Variants in RBMX observed in about 807,000 individuals in gnomAD.
RBMX encodes RNA binding motif protein X-linked.
In RBMX, 1 loss-of-function variant was observed where a neutral mutation model predicts 29.3. The ratio of observed to expected loss-of-function variants is 0.03; its 90% CI spans 0.01 to 0.16. The LOEUF (loss-of-function observed/expected upper bound fraction) is 0.16. Among genes scored for constraint, RBMX ranks in the 10% least tolerant of loss-of-function variants. The pLI is 1.00. For synonymous variants in RBMX, 102 were observed against 102.3 expected, an observed-to-expected ratio of 1.00 and a Z score of 0.02; for missense variants, 121 against 333.2, an observed-to-expected ratio of 0.36 and a Z score of 4.96.
At chrX:136,872,264 T>C, downstream of RBMX, 1 of 1,149,771 alleles carries the variant, frequency 8.7e-7, no homozygotes. Context: ...CTTTCAACAC[T>C]TACCTTAGCA....
Position 136,875,573 on chromosome X carries a change from C to T in RBMX, c.554G>A (p.Arg185His), listed in dbSNP as rs2077718670. 2.5e-6 allele frequency: 3 copies of T among 1,206,715 alleles called. No individual in the cohort carries two copies. The highest frequency in any genetic ancestry group is 3.0e-5 in the East Asian group (1 of 33,770). ...TGGACCTCCATAACTATCTCTTCCA[C>T]GTGATACAGGAGCTTAAGGAAAAAT... ...SGMGGRAPVSRGRDSYGGPPR... is the reference protein window; with the variant it reads ...SGMGGRAPVSHGRDSYGGPPR... Residue 185 changes from arginine to histidine, a missense_variant, in exon 6 of 9, where the codon CGT (arginine) becomes CAT (histidine). Transcript: ENST00000320676.
chrX:136,872,302 GAATC>G, downstream of RBMX: 2 of 1,165,777 alleles, frequency 1.7e-6, no homozygotes, highest in Non-Finnish European at 2.3e-6. Context: ...TATCTACTGT[GAATC>G]AATCAGCACT....
In RBMX at chrX:136,875,206, A is replaced by C. The variant is rs2077714146; in HGVS notation, c.783-38T>G. The C allele has an allele frequency of 2.5e-6, 3 of 1,211,254 alleles. No homozygotes were observed. In the East Asian group the frequency reaches 8.9e-5, roughly 36 times the overall value. ...GAAACCTTTAAGTCCCAGAGAATCA[A>C]CTTTCATTGCAACTTTTCTTACATG... is the stretch of plus-strand genomic sequence containing the variant. On this transcript the variant is annotated intron_variant, in intron 7 of 8. Transcript: ENST00000320676.
chrX:136,879,184 A>G (rs2077771090), intron 2 of RBMX, 61 bp from the exon 3 acceptor site: 1 of 1,208,046 alleles, frequency 8.3e-7, no homozygotes, highest in African/African-American at 1.7e-5. Context: ...TAACCAAAGT[A>G]AATGTGTAAA....
intron 8 of RBMX, 26 bp from the exon 9 acceptor site, chrX:136,874,478 T>C: frequency 8.4e-7 from 1 of 1,197,023 alleles, no homozygotes; most frequent in Non-Finnish European, 1.1e-6. Context: ...TCAGGTAATA[T>C]GGCAACACTA....
At chrX:136,872,418 CCT>C (rs2077691024), downstream of RBMX, 32 of 918,981 alleles carry the variant, frequency 3.5e-5, no homozygotes, top group East Asian at 1.1e-3. Flanking sequence ...CTATTACTGC[CCT>C]CTTTTCCAGA....
Position 136,874,227 on chromosome X carries a change from T to C in RBMX, c.1091A>G (p.Tyr364Cys). 1 of 1,212,843 alleles carries C rather than the reference T, an allele frequency of 8.2e-7. No homozygotes were observed. ...TGGTGCTCCGCGGCTTGAACTGCTG[T>C]AGGAATCACGTGGAGGAGGGTACCC... ...ERGYPPPRDS[Y>C]SSSSRGAPRG... Residue 364 changes from tyrosine to cysteine, a missense_variant, in exon 9 of 9, where the codon TAC (tyrosine) becomes TGC (cysteine). Around this residue, in one of 2 missense-constraint regions of RBMX, gnomAD observed 114 missense variants for 260.0 expected, o/e 0.44. Coordinates refer to ENST00000320676, the MANE Select transcript of RBMX (RefSeq NM_002139.4).
chrX:136,879,507 G>C, intron 1 of RBMX, 54 bp from the exon 2 acceptor site: 1 of 971,652 alleles, frequency 1.0e-6, no homozygotes, highest in Non-Finnish European at 1.4e-6. Flanking sequence ...AAGTTTATTG[G>C]ACACTTTTAC....
Position 136,879,309 on chromosome X carries a change from G to A in RBMX, c.109+10C>T. The A allele has an allele frequency of 1.7e-6, 2 of 1,173,226 alleles. No individual in the cohort carries two copies. The highest frequency in any genetic ancestry group is 2.3e-6 in the Non-Finnish European group (2 of 861,515). ...TATAATAGCCCAGCCTGTACTGCCA[G>A]ACAACTCACCTTCCACTATTCGTCC... On this transcript the variant is annotated intron_variant, in intron 2 of 8. Transcript: ENST00000320676.
Position 136,873,827 on chromosome X carries a change from T to C in RBMX, c.*315A>G, listed in dbSNP as rs2148709866. 1 of 852,982 alleles carries C rather than the reference T, an allele frequency of 1.2e-6. No individual in the cohort carries two copies. Among genetic ancestry groups the C allele is most frequent in the East Asian group, 7.7e-5 (1 of 12,976 alleles). The allele number at this position is 852,982 out of a possible 1,213,427, so 70.3% of individuals were successfully genotyped here. A position where few individuals can be genotyped will look rare whatever the true frequency, so the allele number is the denominator to read the frequency against. On this transcript the variant is annotated 3_prime_UTR_variant, in exon 9 of 9. Transcript: ENST00000320676. ...TTTTGTGGAAGATCTTAGAATTGCC[T>C]GCCTCATTTGCTGGGAAAAATCAGA...
chrX:136,874,608 G>T, intron 8 of RBMX, 156 bp from the exon 9 acceptor site: 1 of 625,081 alleles, frequency 1.6e-6, no homozygotes. Flanking sequence ...ACAGGGATTT[G>T]CTCATCTGCT....
downstream of RBMX, chrX:136,872,391 ATTC>A (rs1332285750): frequency 1.8e-6 from 2 of 1,103,437 alleles, no homozygotes; most frequent in Non-Finnish European, 2.4e-6. Flanking sequence ...TCTTAAGGAA[ATTC>A]TTTTAAAACT....
At chrX:136,871,749 A>C (rs1311858866), downstream of RBMX, among the ~76,000 whole-genome samples, 1 of 108,033 alleles carries the variant, frequency 9.3e-6, no homozygotes, top group Non-Finnish European at 1.9e-5. Context: ...TCCTGGGTTC[A>C]AGCAATTCTG....
downstream of RBMX, chrX:136,872,513 G>A (rs2077691519): frequency 1.7e-5 from 8 of 466,656 alleles, no homozygotes; most frequent in East Asian, 7.5e-5. Context: ...TCACTGGCTC[G>A]GGATGGACTG....
chrX:136,877,328 A>ACCCCCCC lies in RBMX; in HGVS notation c.388+580_388+586dup, dbSNP rs765225668. 4.3e-4 allele frequency among the ~76,000 whole-genome samples: 11 copies of ACCCCCCC among 25,330 alleles called. 2 individuals carry two copies. The highest frequency in any genetic ancestry group is 6.8e-4 in the Admixed American group (1 of 1,460). The allele number at this position is 25,330 out of a possible 115,157, so 22.0% of individuals were successfully genotyped here. On this transcript the variant is annotated intron_variant, in intron 4 of 8. Coordinates refer to ENST00000320676, the MANE Select transcript of RBMX (RefSeq NM_002139.4). The stretch of plus-strand genomic sequence containing the variant: ...GCCTGGGCAACAAGTGCTAAACTCT[A>ACCCCCCC]CCCCCCCCCCCCCAAAAAAAAACCA...
intron 8 of RBMX, 193 bp from the exon 9 acceptor site, chrX:136,874,645 T>C (rs1603366280): frequency 1.9e-6 from 1 of 520,267 alleles, no homozygotes; most frequent in East Asian, 3.7e-5. Flanking sequence ...TTCATTTTAA[T>C]GTTTGTTTGA....
downstream of RBMX, among the ~76,000 whole-genome samples, chrX:136,871,064 A>C (rs1044598738): frequency 9.2e-6 from 1 of 108,557 alleles, no homozygotes; most frequent in African/African-American, 3.4e-5. Flanking sequence ...CAGTGAGCTG[A>C]GATCACACCA....
chrX:136,872,206 C>T, downstream of RBMX: 1 of 915,848 alleles, frequency 1.1e-6, no homozygotes, highest in East Asian at 3.4e-5. Flanking sequence ...AATGTCACAG[C>T]TAAACTAAAT....
rs1367446387 is a variant in RBMX, at chrX:136,879,303, C to A, written c.109+16G>T. The stretch of plus-strand genomic sequence containing the variant: ...TTTAATTATAATAGCCCAGCCTGTA[C>A]TGCCAGACAACTCACCTTCCACTAT... On this transcript the variant is annotated intron_variant, in intron 2 of 8. Coordinates refer to ENST00000320676, the MANE Select transcript of RBMX (RefSeq NM_002139.4). The A allele has an allele frequency of 1.7e-6, 2 of 1,206,459 alleles. No homozygotes were observed. Among genetic ancestry groups the A allele is most frequent in the East Asian group, 5.9e-5 (2 of 33,853 alleles).
Sources: allele counts gnomAD v4.1 joint callset (sites outside exome capture counted in the v4.1 genomes callset), GRCh38; gene constraint gnomAD v4.1.1; regional missense constraint gnomAD v4.1.1; transcripts MANE v1.5; gene names NCBI Gene and HGNC (gene_info 2026-07-23, HGNC 2026-07-21).